The following PID1 variants were observed in gnomAD, a reference collection of about 807,000 sequenced individuals.
PID1 encodes phosphotyrosine interaction domain containing 1.
PID1 carries 10 observed loss-of-function variants against 19.1 expected under a neutral mutation model. The ratio of observed to expected loss-of-function variants is 0.52; its 90% CI spans 0.32 to 0.89. PID1 has a LOEUF of 0.89. Ranked by LOEUF, PID1 falls within the 40% of genes least tolerant of loss-of-function variation. The probability of loss-of-function intolerance (pLI) is 0.03; values close to 1 mark genes in which losing one functional copy is unlikely to be tolerated. For synonymous variants in PID1, 130 were observed against 116.0 expected (o/e 1.12, Z -0.78); for missense variants, 248 against 285.3 (o/e 0.87, Z 0.94).
chr2:229,269,624 C>T (rs954739703), intron 1 of PID1, among the ~76,000 whole-genome samples: 42 of 152,168 alleles, frequency 2.8e-4, no homozygotes, highest in Admixed American at 1.3e-4. Context: ...CGCCTTTAAC[C>T]GAAGGAGAAC....
Position 229,148,058 on chromosome 2 carries a change from C to T in PID1, c.177+7760G>A, listed in dbSNP as rs749281307. On this transcript the variant is annotated intron_variant, in intron 2 of 2. Transcript: ENST00000392055. The stretch of plus-strand genomic sequence containing the variant: ...TTAAGCAAGGGCCAATTCTATGTGG[C>T]AAACCAGATAAATCAGGCAAAGTTA... Among the ~76,000 whole-genome samples, 55 of 152,288 alleles carry T rather than the reference C, an allele frequency of 3.6e-4. No individual in the cohort carries two copies. The Middle Eastern group carries it at 0.014, about 38-fold the overall frequency.
chr2:229,090,911 C>G (rs1261447507), intron 2 of PID1, among the ~76,000 whole-genome samples: 3 of 152,174 alleles, frequency 2.0e-5, no homozygotes. Flanking sequence ...GAACCGGGAA[C>G]ATTCACTAAT....
chr2:229,178,089 A>G (rs969910132), intron 1 of PID1, among the ~76,000 whole-genome samples: 13 of 152,148 alleles, frequency 8.5e-5, no homozygotes, highest in Admixed American at 7.2e-4. Context: ...TCTCTTTCTT[A>G]AACTGTACAT....
intron 2 of PID1, among the ~76,000 whole-genome samples, chr2:229,067,489 C>A (rs575649116): frequency 6.6e-6 from 1 of 151,606 alleles, no homozygotes; most frequent in Non-Finnish European, 1.5e-5. Context: ...AGGCCACTGA[C>A]TTCCCTCCAT....
At chr2:229,235,807 G>A (rs114116361) in intron 1 of PID1, among the ~76,000 whole-genome samples, 3 of 152,228 alleles carry the variant, frequency 2.0e-5, no homozygotes, top group Admixed American at 6.5e-5. Context: ...AAGAAGAAAC[G>A]CCAGCCAAAC....
intron 2 of PID1, among the ~76,000 whole-genome samples, chr2:229,141,643 G>A (rs559857073): frequency 3.4e-5 from 2 of 58,270 alleles, no homozygotes; most frequent in South Asian, 1.1e-3. Flanking sequence ...CAATCAATGT[G>A]GGGGGGGAAC....
At chr2:229,071,420 C>T (rs1263930007) in intron 2 of PID1, among the ~76,000 whole-genome samples, 3 of 152,210 alleles carry the variant, frequency 2.0e-5, no homozygotes, top group Non-Finnish European at 4.4e-5. Context: ...TCTCTGAGCA[C>T]ATGCTAAGCG....
intron 1 of PID1, among the ~76,000 whole-genome samples, chr2:229,190,862 G>C (rs868724871): frequency 4.5e-4 from 68 of 152,092 alleles, no homozygotes; most frequent in African/African-American, 1.6e-3. Context: ...TCTCAACAGG[G>C]ACCACATCAC....
intron 2 of PID1, among the ~76,000 whole-genome samples, chr2:229,144,610 C>T (rs1574664750): frequency 6.6e-6 from 1 of 151,910 alleles, no homozygotes; most frequent in Admixed American, 6.6e-5. Flanking sequence ...ACTAGCAAAA[C>T]GGAGGAAAGA....
At chr2:229,261,769 A>G (rs1690466149) in intron 1 of PID1, among the ~76,000 whole-genome samples, 1 of 152,224 alleles carries the variant, frequency 6.6e-6, no homozygotes, top group African/African-American at 2.4e-5. Context: ...AGACACTGAC[A>G]GAGCAGTTCT....
chr2:229,150,705 G>A (rs1013776922), intron 2 of PID1, among the ~76,000 whole-genome samples: 1 of 152,048 alleles, frequency 6.6e-6, no homozygotes, highest in African/African-American at 2.4e-5. Context: ...CAATATTGCT[G>A]CTATTTTGCT....
chr2:229,259,216 C>A (rs1316056489), intron 1 of PID1, among the ~76,000 whole-genome samples: 2 of 152,074 alleles, frequency 1.3e-5, no homozygotes, highest in South Asian at 2.1e-4. Context: ...AAATTGGATT[C>A]TCTTTCTTAT....
intron 1 of PID1, among the ~76,000 whole-genome samples, chr2:229,264,599 T>G (rs1230862073): frequency 6.6e-6 from 1 of 152,068 alleles, no homozygotes; most frequent in East Asian, 1.9e-4. Context: ...TTCCTATACA[T>G]TGAGAATAAA....
chr2:229,151,285 G>C lies in PID1; in HGVS notation c.177+4533C>G, dbSNP rs377458662. Among the ~76,000 whole-genome samples the C allele has an allele frequency of 2.9e-4, 44 of 152,118 alleles. No individual in the cohort carries two copies. The East Asian group carries it at 4.1e-3, about 14-fold the overall frequency. On this transcript the variant is annotated intron_variant, in intron 2 of 2. Coordinates refer to ENST00000392055, the MANE Select transcript of PID1 (RefSeq NM_001100818.2). ...CCACCCAATGGCAGTGGAATCCGGTGGGGGGGAGCACAGGCTGTGGAGTCA... is the reference window on the plus strand; with the variant it reads ...CCACCCAATGGCAGTGGAATCCGGTCGGGGGGAGCACAGGCTGTGGAGTCA...
chr2:229,139,035 G>C (rs1372985704), intron 2 of PID1, among the ~76,000 whole-genome samples: 1 of 59,560 alleles, frequency 1.7e-5, no homozygotes, highest in African/African-American at 6.0e-5. Context: ...AAGAAAGAAA[G>C]AAAGAGAAAG....
rs1037340475 is a variant in PID1, at chr2:229,095,918, G to A, written c.177+59900C>T. On this transcript the variant is annotated intron_variant, in intron 2 of 2. Transcript: ENST00000392055. The stretch of plus-strand genomic sequence containing the variant: ...CTACTCAATTTGATTTTCAAGTTTC[G>A]AGAATGAGAAGAATCAGATATCTTT... Among the ~76,000 whole-genome samples the A allele has an allele frequency of 5.3e-5, 8 of 152,224 alleles. No individual in the cohort carries two copies. In the South Asian group the frequency reaches 1.0e-3, roughly 20 times the overall value.
intron 2 of PID1, among the ~76,000 whole-genome samples, chr2:229,031,751 T>C (rs1410057451): frequency 2.0e-5 from 3 of 152,206 alleles, no homozygotes; most frequent in Non-Finnish European, 4.4e-5. Context: ...TCAGAAACTC[T>C]TTTCAATCAG....
At chr2:229,043,282 A>C (rs1693809749) in intron 2 of PID1, among the ~76,000 whole-genome samples, 1 of 151,788 alleles carries the variant, frequency 6.6e-6, no homozygotes, top group African/African-American at 2.4e-5. Flanking sequence ...CTGAGATTAC[A>C]GGTGTGAGCC....
chr2:229,219,849 G>C (rs1272465799), intron 1 of PID1, among the ~76,000 whole-genome samples: 2 of 147,816 alleles, frequency 1.4e-5, no homozygotes, highest in African/African-American at 5.0e-5. Context: ...TTTTTTTTTT[G>C]TCATTGTTGT....
Sources: allele counts gnomAD v4.1 joint callset (sites outside exome capture counted in the v4.1 genomes callset), GRCh38; gene constraint gnomAD v4.1.1; transcripts MANE v1.5; gene names NCBI Gene and HGNC (gene_info 2026-07-23, HGNC 2026-07-21).